EYA2: variants seen among roughly 807,000 people sequenced by gnomAD.
EYA2 encodes EYA transcriptional coactivator and phosphatase 2, also known as protein phosphatase EYA2.
A neutral mutation model predicts 69.2 loss-of-function variants in EYA2; 31 were observed. The observed-to-expected ratio is 0.45, with a 90% CI of 0.34 to 0.60. The LOEUF is 0.60. EYA2 is among the 20% of genes least tolerant of loss of function. The pLI is 0.02. For synonymous variants in EYA2, 257 were observed against 279.4 expected (o/e 0.92, Z 0.80); for missense variants, 622 against 701.2 (o/e 0.89, Z 1.28).
chr20:47,034,901 A>G (rs1016036998), intron 5 of EYA2, among the ~76,000 whole-genome samples: 1 of 152,058 alleles, frequency 6.6e-6, no homozygotes, highest in Non-Finnish European at 1.5e-5. Context: ...CTTCACACCA[A>G]TCTCTGCCCC....
At chr20:47,036,909 T>C (rs1158703395) in intron 5 of EYA2, among the ~76,000 whole-genome samples, 7 of 152,198 alleles carry the variant, frequency 4.6e-5, no homozygotes, top group African/African-American at 1.7e-4. Flanking sequence ...ATTGGTAAGA[T>C]ACAAATGATG....
In EYA2 at chr20:47,183,552, G is replaced by A. The variant is rs116943579; in HGVS notation, c.1536+161G>A. 4.4e-4 allele frequency among the ~76,000 whole-genome samples: 67 copies of A among 152,220 alleles called. No individual in the cohort carries two copies. In the East Asian group the frequency reaches 0.012, roughly 27 times the overall value. On this transcript the variant is annotated intron_variant, in intron 15 of 15. Coordinates refer to ENST00000327619, the MANE Select transcript of EYA2 (RefSeq NM_005244.5). Reference sequence around the variant, plus strand: ...TCCATTCCATTTGCAAATTGCAGAAGCATCCTGAGTAATTTCCTTCTACAA... The same window carrying A: ...TCCATTCCATTTGCAAATTGCAGAAACATCCTGAGTAATTTCCTTCTACAA...
chr20:46,982,576 C>A (rs1164913124), intron 1 of EYA2, among the ~76,000 whole-genome samples: 12 of 152,120 alleles, frequency 7.9e-5, no homozygotes, highest in Non-Finnish European at 1.8e-4. Context: ...GCTCCTATTA[C>A]ATGTGTGCTA....
chr20:47,096,304 G>C (rs1482407698), intron 8 of EYA2, among the ~76,000 whole-genome samples: 1 of 152,110 alleles, frequency 6.6e-6, no homozygotes, highest in Non-Finnish European at 1.5e-5. Context: ...TATATTACTA[G>C]TTACCAACTT....
chr20:46,994,458 A>G (rs1377817168), intron 2 of EYA2, among the ~76,000 whole-genome samples: 1 of 152,150 alleles, frequency 6.6e-6, no homozygotes, highest in African/African-American at 2.4e-5. Flanking sequence ...CATTGTTTCC[A>G]AGGAGAGGTG....
chr20:46,962,018 TC>T (rs1979506541), intron 1 of EYA2, among the ~76,000 whole-genome samples: 2 of 152,172 alleles, frequency 1.3e-5, no homozygotes, highest in Admixed American at 6.5e-5. Flanking sequence ...AAGCAGATTT[TC>T]TTTCTTTCTT....
At position 47,027,866 on chromosome 20, in the gene EYA2, A is replaced by G. The variant is rs139623026; in HGVS notation, c.415+11569A>G. On this transcript the variant is annotated intron_variant, in intron 5 of 15. Transcript: ENST00000327619. ...TTTGTTTAATTTTAATTAATTGTAA[A>G]TGCACCTACTCTATTGGGCAGCACA... 2.5e-3 allele frequency among the ~76,000 whole-genome samples: 384 copies of G among 152,318 alleles called. 2 individuals are homozygous for G. The highest frequency in any genetic ancestry group is 0.01 in the Middle Eastern group (3 of 294).
intron 9 of EYA2, among the ~76,000 whole-genome samples, chr20:47,122,146 AC>A (rs1273258943): frequency 6.6e-6 from 1 of 151,748 alleles, no homozygotes; most frequent in East Asian, 1.9e-4. Flanking sequence ...CCCAGAAACC[AC>A]CCCCTATAAA....
At chr20:47,130,264 T>TTTTTTTTTC (rs2033307854) in intron 9 of EYA2, among the ~76,000 whole-genome samples, 2 of 115,890 alleles carry the variant, frequency 1.7e-5, no homozygotes, top group African/African-American at 8.1e-5. Flanking sequence ...TTATTTTCTT[T>TTTTTTTTTC]TTTTTTTTTT....
intron 9 of EYA2, among the ~76,000 whole-genome samples, chr20:47,118,244 CCT>C (rs751975885): frequency 5.9e-5 from 9 of 152,260 alleles, no homozygotes; most frequent in Admixed American, 1.3e-4. Flanking sequence ...TTCCCCCTTC[CCT>C]CTCTCTTTTC....
At chr20:46,939,204 G>A (rs6018195) in intron 1 of EYA2, among the ~76,000 whole-genome samples, 2 of 151,892 alleles carry the variant, frequency 1.3e-5, no homozygotes, top group South Asian at 2.1e-4. Flanking sequence ...GCATGTGACC[G>A]AAGCTGGGCC....
At chr20:46,939,126 CT>C (rs1211240720) in intron 1 of EYA2, among the ~76,000 whole-genome samples, 8 of 152,332 alleles carry the variant, frequency 5.3e-5, no homozygotes, top group Non-Finnish European at 1.0e-4. Flanking sequence ...CATGGGTAGG[CT>C]TATGGCTCAG....
chr20:46,924,679 A>C (rs1600548501), intron 1 of EYA2, among the ~76,000 whole-genome samples: 1 of 72,512 alleles, frequency 1.4e-5, no homozygotes, highest in African/African-American at 3.5e-5. Flanking sequence ...CAAAAAAAAA[A>C]AAAAAAAAAA....
At chr20:47,090,229 C>CTTT (rs60732138) in intron 8 of EYA2, among the ~76,000 whole-genome samples, 1,800 of 122,028 alleles carry the variant, frequency 0.015, 49 homozygotes, top group Middle Eastern at 0.034. Context: ...ATGCTCCAAT[C>CTTT]TTTTTTTTTT....
intron 1 of EYA2, among the ~76,000 whole-genome samples, chr20:46,949,598 T>C (rs1181394360): frequency 6.6e-6 from 1 of 152,216 alleles, no homozygotes; most frequent in Non-Finnish European, 1.5e-5. Flanking sequence ...ACGTTTTGGG[T>C]TTAACCTCAG....
intron 1 of EYA2, among the ~76,000 whole-genome samples, chr20:46,905,534 T>C (rs950177888): frequency 1.3e-4 from 20 of 152,192 alleles, no homozygotes; most frequent in Non-Finnish European, 2.2e-4. Context: ...AAAAGTAACG[T>C]AAGTGGGTTG....
intron 9 of EYA2, among the ~76,000 whole-genome samples, chr20:47,126,014 A>G (rs1160625258): frequency 6.6e-6 from 1 of 152,172 alleles, no homozygotes; most frequent in Non-Finnish European, 1.5e-5. Flanking sequence ...GGCAGGCAGC[A>G]AGCTGCCTGT....
chr20:47,126,623 A>C (rs2033198785), intron 9 of EYA2, among the ~76,000 whole-genome samples: 1 of 152,200 alleles, frequency 6.6e-6, no homozygotes, highest in Admixed American at 6.5e-5. Context: ...AGCTGGTTTC[A>C]TTAACAAGTT....
At chr20:47,049,373 G>T (rs184934158) in intron 5 of EYA2, among the ~76,000 whole-genome samples, 125 of 152,228 alleles carry the variant, frequency 8.2e-4, no homozygotes, top group Middle Eastern at 6.8e-3. Context: ...TCCAGTCAAG[G>T]GTCCCTGATA....
Sources: allele counts gnomAD v4.1 joint callset (sites outside exome capture counted in the v4.1 genomes callset), GRCh38; gene constraint gnomAD v4.1.1; transcripts MANE v1.5; gene names NCBI Gene and HGNC (gene_info 2026-07-23, HGNC 2026-07-21).